Variants in CACNA2D4 observed in about 807,000 individuals in gnomAD.
The protein encoded by CACNA2D4 is voltage-dependent calcium channel subunit alpha-2/delta-4.
A neutral mutation model predicts 163.8 loss-of-function variants in CACNA2D4; 157 were observed. The ratio of observed to expected loss-of-function variants is 0.96; its 90% CI spans 0.84 to 1.09. The LOEUF is 1.09. CACNA2D4 is among the 50% of genes least tolerant of loss of function. The pLI is 0.00. For synonymous variants in CACNA2D4, 598 were observed against 586.9 expected (o/e 1.02, Z -0.27); for missense variants, 1,410 against 1,479.9 (o/e 0.95, Z 0.78).
chr12:1,793,748 C>T lies in CACNA2D4; in HGVS notation c.3321G>A (p.Gln1107=), dbSNP rs376955708. 1 of 1,613,102 alleles carries T rather than the reference C, an allele frequency of 6.2e-7. No homozygotes were observed. The highest frequency in any genetic ancestry group is 8.5e-7 in the Non-Finnish European group (1 of 1,179,836). The change falls in exon 38 of 38, where the codon CAG becomes CAA. Residue 1107 remains glutamine, a synonymous_variant. Transcript: ENST00000382722. ...AGGTGTCCGAGGCGCCGCCGCAGTC[C>T]TGGGCATTCTCCTGCGAACGCAGAG... is the stretch of plus-strand genomic sequence containing the variant. ...CHAFHPEENA[Q]DCGGASDTSA... is the part of the protein sequence containing the mutation.
At position 1,829,809 on chromosome 12, in the gene CACNA2D4, T is replaced by C. The variant is rs1363659847; in HGVS notation, c.2551+10930A>G. ...TCTGGCTGGGGTCTTTTCTCTAGGC[T>C]GGGTGGAACTGACCTCGGCTGGGCT... On this transcript the variant is annotated intron_variant, in intron 26 of 37. Transcript: ENST00000382722. This position sits in a 1 kb window ranked among gnomAD's most constrained non-coding sequence, Gnocchi z 4.2. 6.6e-6 allele frequency among the ~76,000 whole-genome samples: 1 copy of C among 151,818 alleles called. No individual in the cohort carries two copies. The highest frequency in any genetic ancestry group is 1.5e-5 in the Non-Finnish European group (1 of 67,908).
chr12:1,860,085 T>G, intron 19 of CACNA2D4, 60 bp downstream of exon 19: 23 of 1,388,892 alleles, frequency 1.7e-5, no homozygotes, highest in Non-Finnish European at 2.2e-5. Context: ...CAACTAAATA[T>G]GAGTTGCTGG....
At chr12:1,830,807 A>T in intron 26 of CACNA2D4, 2 of 743,538 alleles carry the variant, frequency 2.7e-6, no homozygotes, top group Non-Finnish European at 2.2e-6. Context: ...ACGTTTATGC[A>T]TTGATTGTGG....
rs189259277 is a variant in CACNA2D4 at position 1,909,826 on chromosome 12, G to A, written c.486+80C>T. The A allele has an allele frequency of 4.9e-4, 607 of 1,248,270 alleles. 2 individuals are homozygous for A. The African/African-American group carries it at 7.1e-3, about 15-fold the overall frequency. The allele number at this position is 1,248,270 out of a possible 1,614,324, so 77.3% of individuals were successfully genotyped here. A position where few individuals can be genotyped will look rare whatever the true frequency, so the allele number is the denominator to read the frequency against. ...AATCAGTGGATCGCCACCCTACGCC[G>A]CCACCCTATGCCGCCACCCCCATAT... On this transcript the variant is annotated intron_variant, in intron 4 of 37. Transcript: ENST00000382722.
At chr12:1,880,527 C>T (rs1865972225) in intron 13 of CACNA2D4, among the ~76,000 whole-genome samples, 1 of 152,268 alleles carries the variant, frequency 6.6e-6, no homozygotes, top group Non-Finnish European at 1.5e-5. Context: ...CCGGCTCCTC[C>T]AGCCACTTGA....
At chr12:1,862,108 T>C (rs1865538364) in intron 18 of CACNA2D4, among the ~76,000 whole-genome samples, 1 of 152,220 alleles carries the variant, frequency 6.6e-6, no homozygotes, top group African/African-American at 2.4e-5. Flanking sequence ...CGGCCCAGTA[T>C]GCTTCTACGC....
chr12:1,846,391 C>G (rs531111118), intron 24 of CACNA2D4, among the ~76,000 whole-genome samples: 1 of 150,838 alleles, frequency 6.6e-6, no homozygotes, highest in African/African-American at 2.5e-5. Context: ...CTGTCAATCC[C>G]GATCCGTAAG....
chr12:1,918,569 G>A lies in CACNA2D4; in HGVS notation c.-96C>T. The A allele has an allele frequency of 1.1e-6, 1 of 931,290 alleles. No homozygotes were observed. The highest frequency in any genetic ancestry group is 1.6e-6 in the Non-Finnish European group (1 of 613,050). The allele number at this position is 931,290 out of a possible 1,614,324, so 57.7% of individuals were successfully genotyped here. The stretch of plus-strand genomic sequence containing the variant: ...GGGGTCTCCAGCCTCTCAGTCCTGG[G>A]TGGGGAGGGCTTCTCTCTGCCCCAC... On this transcript the variant is annotated 5_prime_UTR_variant, in exon 1 of 38. Transcript: ENST00000382722.
intron 6 of CACNA2D4, among the ~76,000 whole-genome samples, chr12:1,894,565 G>A (rs138086539): frequency 6.6e-6 from 1 of 151,968 alleles, no homozygotes; most frequent in African/African-American, 2.4e-5. Flanking sequence ...TTTATACTAG[G>A]GATGCAAGGA....
chr12:1,902,103 G>GA (rs1167418067), intron 6 of CACNA2D4, among the ~76,000 whole-genome samples: 1 of 151,870 alleles, frequency 6.6e-6, no homozygotes, highest in African/African-American at 2.4e-5. Flanking sequence ...CAGAAAGAAG[G>GA]AAAAAAACTG....
rs1273418458 is a variant in CACNA2D4 at position 1,833,518 on chromosome 12, A to C, written c.2551+7221T>G. 1.3e-5 allele frequency among the ~76,000 whole-genome samples: 2 copies of C among 152,006 alleles called. No individual in the cohort carries two copies. Among genetic ancestry groups the C allele is most frequent in the Non-Finnish European group, 2.9e-5 (2 of 67,992 alleles). On this transcript the variant is annotated intron_variant, in intron 26 of 37. Transcript: ENST00000382722. The surrounding 1 kb of genome is among the most constrained non-coding windows in gnomAD (Gnocchi z 4.2). ...TGCGCCCAGGTACCCACACCTCCTC[A>C]TCAACACCAGCCTCCTCTCCTTGGC...
At chr12:1,912,207 C>A (rs1866841785) in intron 3 of CACNA2D4, among the ~76,000 whole-genome samples, 1 of 152,206 alleles carries the variant, frequency 6.6e-6, no homozygotes, top group Non-Finnish European at 1.5e-5. Context: ...CTCCCGATCT[C>A]CTCTCTCCTT....
rs992361484 is a variant in CACNA2D4 at position 1,792,518 on chromosome 12, A to G, written c.*1137T>C. 1 of 152,246 alleles carries G rather than the reference A, an allele frequency of 6.6e-6. No individual in the cohort carries two copies. The highest frequency in any genetic ancestry group is 6.5e-5 in the Admixed American group (1 of 15,284). The allele number at this position is 152,246 out of a possible 1,614,324, so 9.4% of individuals were successfully genotyped here. On this transcript the variant is annotated 3_prime_UTR_variant, in exon 38 of 38. Coordinates refer to ENST00000382722, the MANE Select transcript of CACNA2D4 (RefSeq NM_172364.5). ...CATCACTGGGGTTTGTTAAATGGAA[A>G]GATTTGAGGCCGGCCTCTCCCACAT...
chr12:1,893,183 G>A (rs1565733013), intron 6 of CACNA2D4, among the ~76,000 whole-genome samples: 1 of 152,144 alleles, frequency 6.6e-6, no homozygotes. Flanking sequence ...GCCACAGAAT[G>A]CACATTATTC....
chr12:1,867,654 C>T (rs982500673), intron 18 of CACNA2D4, among the ~76,000 whole-genome samples: 1 of 152,004 alleles, frequency 6.6e-6, no homozygotes, highest in Non-Finnish European at 1.5e-5. Context: ...AATATTTGCA[C>T]ATTTTATAAG....
intron 24 of CACNA2D4, 72 bp downstream of exon 24, chr12:1,846,522 G>A (rs886745013): frequency 6.6e-5 from 83 of 1,266,318 alleles, no homozygotes; most frequent in Non-Finnish European, 9.0e-5. Context: ...CATGGCCCAG[G>A]AACACACCAT....
rs376706967 is a variant in CACNA2D4, at chr12:1,904,137, C to T, written c.781+3303G>A. Among the ~76,000 whole-genome samples, 32 of 152,078 alleles carry T rather than the reference C, an allele frequency of 2.1e-4. No homozygotes were observed. The South Asian group carries it at 4.8e-3, about 23-fold the overall frequency. ...AAGTCAGGTACATAAAGAAACTTCACGTCGCACTTTTTTGTGGGGGCTAAA... is the reference window on the plus strand; with the variant it reads ...AAGTCAGGTACATAAAGAAACTTCATGTCGCACTTTTTTGTGGGGGCTAAA... On this transcript the variant is annotated intron_variant, in intron 6 of 37. Transcript: ENST00000382722.
chr12:1,819,988 C>A (rs1204975000), intron 26 of CACNA2D4, among the ~76,000 whole-genome samples: 1 of 152,210 alleles, frequency 6.6e-6, no homozygotes, highest in Non-Finnish European at 1.5e-5. Context: ...GCTCAGGGCC[C>A]TTTCCTGTAG....
chr12:1,832,242 G>T (rs1260372853), intron 26 of CACNA2D4, among the ~76,000 whole-genome samples: 3 of 152,236 alleles, frequency 2.0e-5, no homozygotes, highest in Non-Finnish European at 1.5e-5. Context: ...CCACCTGCCA[G>T]CTGTGTGATC....
Sources: allele counts gnomAD v4.1 joint callset (sites outside exome capture counted in the v4.1 genomes callset), GRCh38; gene constraint gnomAD v4.1.1; non-coding constraint Gnocchi (gnomAD v3.1); transcripts MANE v1.5; gene names NCBI Gene and HGNC (gene_info 2026-07-23, HGNC 2026-07-21).